The following NLGN1 variants were observed in gnomAD, a reference collection of about 807,000 sequenced individuals.
The protein encoded by NLGN1 is neuroligin-1.
NLGN1 carries 12 observed loss-of-function variants against 65.5 expected under a neutral mutation model. The ratio of observed to expected loss-of-function variants is 0.18; its 90% CI spans 0.12 to 0.30. NLGN1 has a LOEUF of 0.30. NLGN1 is among the 10% of genes least tolerant of loss of function. The pLI is 1.00. For missense variants in NLGN1, 750 were observed against 1,007.1 expected, an observed-to-expected ratio of 0.74 and a Z score of 3.46; for synonymous variants, 350 against 359.5, an observed-to-expected ratio of 0.97 and a Z score of 0.30.
At chr3:174,246,026 A>T (rs1046312536) in intron 4 of NLGN1, among the ~76,000 whole-genome samples, 8 of 152,248 alleles carry the variant, frequency 5.3e-5, no homozygotes, top group African/African-American at 1.7e-4. Flanking sequence ...CTAGGGAGAC[A>T]CATTACATGA....
chr3:173,942,735 A>G (rs1474315670), intron 4 of NLGN1, among the ~76,000 whole-genome samples: 1 of 152,244 alleles, frequency 6.6e-6, no homozygotes, highest in Non-Finnish European at 1.5e-5. Context: ...TGACAGCTTC[A>G]AATATTACCT....
chr3:173,947,824 G>A (rs956700361), intron 4 of NLGN1, among the ~76,000 whole-genome samples: 1 of 151,998 alleles, frequency 6.6e-6, no homozygotes, highest in Non-Finnish European at 1.5e-5. Flanking sequence ...AGCCATACTT[G>A]GAATATACAA....
At chr3:174,136,138 C>G (rs759596713) in intron 4 of NLGN1, among the ~76,000 whole-genome samples, 1 of 152,092 alleles carries the variant, frequency 6.6e-6, no homozygotes, top group African/African-American at 2.4e-5. Flanking sequence ...TTCTGAACAT[C>G]TGCAGCAGGA....
At chr3:173,539,875 CTTATATATATG>C (rs1166367473) in intron 2 of NLGN1, among the ~76,000 whole-genome samples, 3 of 112,864 alleles carry the variant, frequency 2.7e-5, no homozygotes, top group Non-Finnish European at 3.7e-5. Flanking sequence ...TTATATATAT[CTTATATATATG>C]TTATATATAT....
intron 4 of NLGN1, among the ~76,000 whole-genome samples, chr3:173,902,984 C>T (rs1737654050): frequency 6.6e-6 from 1 of 152,062 alleles, no homozygotes; most frequent in South Asian, 2.1e-4. Flanking sequence ...AATCAAAATG[C>T]TATAGGAATT....
chr3:173,648,319 A>G (rs1758600812), intron 3 of NLGN1, among the ~76,000 whole-genome samples: 1 of 152,230 alleles, frequency 6.6e-6, no homozygotes, highest in East Asian at 1.9e-4. Context: ...ACCAAAATAC[A>G]AAATAAAAAC....
chr3:174,006,249 T>G (rs1379948224), intron 4 of NLGN1, among the ~76,000 whole-genome samples: 1 of 152,230 alleles, frequency 6.6e-6, no homozygotes, highest in African/African-American at 2.4e-5. Context: ...TCCAGACTTC[T>G]ATTTGTATTC....
In NLGN1 at chr3:173,801,533, T is replaced by C. The variant is rs182224532; in HGVS notation, c.494-6147T>C. On this transcript the variant is annotated intron_variant, in intron 3 of 6. Transcript: ENST00000457714. ...ATAAATTTTTACTAAAATATTTGCCTTATTTGCATTGACATATATACATTT... is the reference window on the plus strand; with the variant it reads ...ATAAATTTTTACTAAAATATTTGCCCTATTTGCATTGACATATATACATTT... 2.0e-5 allele frequency among the ~76,000 whole-genome samples: 3 copies of C among 152,204 alleles called. No homozygotes were observed. In the East Asian group the frequency reaches 5.8e-4, roughly 29 times the overall value.
At chr3:173,518,182 A>G (rs1448114200) in intron 2 of NLGN1, among the ~76,000 whole-genome samples, 1 of 152,158 alleles carries the variant, frequency 6.6e-6, no homozygotes, top group East Asian at 1.9e-4. Flanking sequence ...TCTTTTTGCC[A>G]AACTGATTGG....
intron 3 of NLGN1, among the ~76,000 whole-genome samples, chr3:173,771,615 T>C (rs1311028156): frequency 7.3e-5 from 2 of 27,448 alleles, no homozygotes; most frequent in African/African-American, 1.7e-4. Context: ...TTTAAAATAA[T>C]GGCTAGTAAA....
chr3:173,757,358 T>C (rs755219445), intron 3 of NLGN1, among the ~76,000 whole-genome samples: 1 of 150,804 alleles, frequency 6.6e-6, no homozygotes, highest in Non-Finnish European at 1.5e-5. Context: ...GAAATATTCT[T>C]GTAAAAAAAA....
At chr3:173,623,215 G>A (rs1384804533) in intron 3 of NLGN1, among the ~76,000 whole-genome samples, 2 of 152,060 alleles carry the variant, frequency 1.3e-5, no homozygotes, top group Non-Finnish European at 2.9e-5. Context: ...AAGCCCTTTG[G>A]CATGCAAGTC....
chr3:173,655,815 A>G (rs1257712184), intron 3 of NLGN1, among the ~76,000 whole-genome samples: 8 of 152,050 alleles, frequency 5.3e-5, no homozygotes, highest in Non-Finnish European at 8.8e-5. Flanking sequence ...GAGGTTCTCA[A>G]TGGAAAAGTG....
At chr3:173,704,196 T>G (rs1434775717) in intron 3 of NLGN1, among the ~76,000 whole-genome samples, 1 of 152,186 alleles carries the variant, frequency 6.6e-6, no homozygotes. Context: ...AAAGTTGTTA[T>G]AAGTGTGGCA....
intron 3 of NLGN1, among the ~76,000 whole-genome samples, chr3:173,728,643 G>A (rs988394106): frequency 6.6e-6 from 1 of 152,138 alleles, no homozygotes; most frequent in African/African-American, 2.4e-5. Context: ...TCCAAAGACT[G>A]GTATCTTTGT....
intron 5 of NLGN1, 59 bp downstream of exon 5, chr3:174,275,586 T>C: frequency 3.2e-6 from 3 of 937,682 alleles, no homozygotes; most frequent in Non-Finnish European, 5.2e-6. Flanking sequence ...CCACCATCAG[T>C]AGTATGTGAT....
chr3:173,860,279 A>C (rs1005741265), intron 4 of NLGN1, among the ~76,000 whole-genome samples: 1 of 152,058 alleles, frequency 6.6e-6, no homozygotes, highest in African/African-American at 2.4e-5. Flanking sequence ...AGTTCTAGGC[A>C]TTTAGAAATT....
At chr3:173,980,065 T>G (rs1718420564) in intron 4 of NLGN1, among the ~76,000 whole-genome samples, 1 of 152,082 alleles carries the variant, frequency 6.6e-6, no homozygotes, top group Admixed American at 6.6e-5. Flanking sequence ...GGTGTTTCCC[T>G]TGTTTAAATC....
At chr3:173,956,563 C>G (rs1031041315) in intron 4 of NLGN1, among the ~76,000 whole-genome samples, 31 of 152,120 alleles carry the variant, frequency 2.0e-4, no homozygotes, top group African/African-American at 7.5e-4. Flanking sequence ...TGGTAACCAT[C>G]ATGTAGGCAG....
Sources: gnomAD v4.1 joint callset for allele counts (sites outside exome capture counted in the v4.1 genomes callset) on GRCh38, gnomAD v4.1.1 for gene constraint, MANE v1.5 for transcripts, NCBI Gene and HGNC (gene_info 2026-07-23, HGNC 2026-07-21) for gene names.